The following DOLPP1 variants were observed in gnomAD, a reference collection of about 807,000 sequenced individuals.
DOLPP1 encodes the protein dolichyldiphosphatase 1.
DOLPP1 carries 15 observed loss-of-function variants against 34.1 expected under a neutral mutation model. The ratio of observed to expected loss-of-function variants is 0.44; its 90% CI spans 0.29 to 0.68. DOLPP1 has a LOEUF of 0.68. Among genes scored for constraint, DOLPP1 ranks in the 30% least tolerant of loss-of-function variants. DOLPP1 has a pLI of 0.12. For synonymous variants in DOLPP1, 130 were observed against 128.2 expected (o/e 1.01, Z -0.10); for missense variants, 249 against 307.1 (o/e 0.81, Z 1.41).
chr9:129,086,625 C>T lies in DOLPP1; in HGVS notation c.591-84C>T. On this transcript the variant is annotated intron_variant, in intron 6 of 7. Transcript: ENST00000372546. ...GCAGTCGGGGCGGGTGCCGTGCCAGCCCCGGGCAATGGTGGGGATGGCTGG... is the reference window on the plus strand; with the variant it reads ...GCAGTCGGGGCGGGTGCCGTGCCAGTCCCGGGCAATGGTGGGGATGGCTGG... 4 of 1,419,418 alleles carry T rather than the reference C, an allele frequency of 2.8e-6. No homozygotes were observed. The South Asian group carries it at 4.6e-5, about 16-fold the overall frequency. 87.9% of individuals were successfully genotyped at this position (1,419,418 alleles called of 1,614,324 possible).
intron 7 of DOLPP1, among the ~76,000 whole-genome samples, 165 bp from the exon 8 acceptor site, chr9:129,088,806 G>C (rs952224617): frequency 2.6e-4 from 39 of 152,178 alleles, no homozygotes; most frequent in African/African-American, 7.2e-4. Flanking sequence ...CCCTGTCTAG[G>C]TGCCATTCCC....
Position 129,085,491 on chromosome 9 carries a change from G to A in DOLPP1, c.363-27G>A, listed in dbSNP as rs200420096. ...AGGCCTGGGCTGGGCTGTGGGCTGA[G>A]GTCATCTGGTGGGCCTGTTTTCGCA... On this transcript the variant is annotated intron_variant, in intron 4 of 7. Coordinates refer to ENST00000372546, the MANE Select transcript of DOLPP1 (RefSeq NM_020438.5). This position sits in a 1 kb window ranked among gnomAD's most constrained non-coding sequence, Gnocchi z 7.0. 49 of 1,609,408 alleles carry A rather than the reference G, an allele frequency of 3.0e-5. No individual in the cohort carries two copies. The highest frequency in any genetic ancestry group is 1.7e-4 in the Middle Eastern group (1 of 6,046).
chr9:129,085,330 T>C lies in DOLPP1; in HGVS notation c.362+24T>C. 6.2e-7 allele frequency: 1 copy of C among 1,607,000 alleles called. No homozygotes were observed. Among genetic ancestry groups the C allele is most frequent in the Non-Finnish European group, 8.5e-7 (1 of 1,173,706 alleles). Reference sequence around the variant, plus strand: ...AGGTGAGTTTCCACCCCGGTCAGGATGGCCCTGAACTTGCTCAGGCCGAGT... The same window carrying C: ...AGGTGAGTTTCCACCCCGGTCAGGACGGCCCTGAACTTGCTCAGGCCGAGT... On this transcript the variant is annotated intron_variant, in intron 4 of 7. Coordinates refer to ENST00000372546, the MANE Select transcript of DOLPP1 (RefSeq NM_020438.5). The surrounding 1 kb of genome is among the most constrained non-coding windows in gnomAD (Gnocchi z 7.0).
intron 1 of DOLPP1, among the ~76,000 whole-genome samples, chr9:129,082,483 G>A (rs1846908809): frequency 6.6e-6 from 1 of 152,206 alleles, no homozygotes; most frequent in Non-Finnish European, 1.5e-5. Context: ...TGCTTTATAA[G>A]AGGAAAGCCA....
chr9:129,084,720 C>A lies in DOLPP1; in HGVS notation c.129C>A (p.Val43=), dbSNP rs1411351534. The A allele has an allele frequency of 5.0e-6, 8 of 1,613,966 alleles. No homozygotes were observed. Among genetic ancestry groups the A allele is most frequent in the Non-Finnish European group, 6.8e-6 (8 of 1,179,936 alleles). Residue 43 remains valine (V), a synonymous_variant, in exon 2 of 8, where the codon GTC becomes GTA. Coordinates refer to ENST00000372546, the MANE Select transcript of DOLPP1 (RefSeq NM_020438.5). ...LAYLSLSPVF[V]IVGFVTLIIF... is the part of the protein sequence containing the mutation. ...ACCTGAGCCTCAGCCCTGTATTTGT[C>A]ATCGTCGGTTTCGTGACCCTCATCA...
Position 129,085,418 on chromosome 9 carries a change from G to T in DOLPP1, c.363-100G>T. The T allele has an allele frequency of 6.6e-7, 1 of 1,513,888 alleles. No homozygotes were observed. The allele number at this position is 1,513,888 out of a possible 1,614,324, so 93.8% of individuals were successfully genotyped here. On this transcript the variant is annotated intron_variant, in intron 4 of 7. Coordinates refer to ENST00000372546, the MANE Select transcript of DOLPP1 (RefSeq NM_020438.5). The surrounding 1 kb of genome is among the most constrained non-coding windows in gnomAD (Gnocchi z 7.0). ...TGGGGTGGGAGGGGCTGCAGCGGAG[G>T]CAGAAGGTACCCAGGGAGCATTTGG...
intron 1 of DOLPP1, among the ~76,000 whole-genome samples, chr9:129,082,623 C>T (rs1466619322): frequency 6.6e-6 from 1 of 152,202 alleles, no homozygotes; most frequent in Admixed American, 6.5e-5. Flanking sequence ...CAGTTGTGTG[C>T]AGCATGATAC....
intron 1 of DOLPP1, 130 bp downstream of exon 1, chr9:129,081,337 C>G: frequency 1.7e-6 from 2 of 1,153,382 alleles, no homozygotes; most frequent in Non-Finnish European, 2.3e-6. Flanking sequence ...TAGTGAACCA[C>G]GGAGGGGCTC....
chr9:129,088,704 C>T (rs1007527115), intron 7 of DOLPP1, among the ~76,000 whole-genome samples: 99 of 152,212 alleles, frequency 6.5e-4, no homozygotes, highest in African/African-American at 1.9e-3. Flanking sequence ...GTAGTCTCAT[C>T]CTGGTCCCTA....
rs547472231 is a variant in DOLPP1 at position 129,082,351 on chromosome 9, A to G, written c.76+1144A>G. ...CTGCCTGTCTACCATTCATTCATCCATTCATTCATTCAGTCAATATCCACT... is the reference window on the plus strand; with the variant it reads ...CTGCCTGTCTACCATTCATTCATCCGTTCATTCATTCAGTCAATATCCACT... On this transcript the variant is annotated intron_variant, in intron 1 of 7. Coordinates refer to ENST00000372546, the MANE Select transcript of DOLPP1 (RefSeq NM_020438.5). 1.9e-3 allele frequency among the ~76,000 whole-genome samples: 285 copies of G among 152,266 alleles called. 1 individual carries two copies. The highest frequency in any genetic ancestry group is 6.5e-3 in the African/African-American group (272 of 41,548).
At chr9:129,082,738 C>T (rs930807955) in intron 1 of DOLPP1, among the ~76,000 whole-genome samples, 1 of 152,204 alleles carries the variant, frequency 6.6e-6, no homozygotes, top group African/African-American at 2.4e-5. Flanking sequence ...CTCTTCACAC[C>T]GTCACTTGCT....
chr9:129,081,833 A>G (rs1157516242), intron 1 of DOLPP1, among the ~76,000 whole-genome samples: 1 of 152,200 alleles, frequency 6.6e-6, no homozygotes, highest in Non-Finnish European at 1.5e-5. Context: ...TGAGAGGTCC[A>G]TTAGCGGCGT....
At chr9:129,082,434 C>A (rs2131413667) in intron 1 of DOLPP1, among the ~76,000 whole-genome samples, 1 of 152,284 alleles carries the variant, frequency 6.6e-6, no homozygotes, top group South Asian at 2.1e-4. Flanking sequence ...GCTTAACAGG[C>A]CTGAAATATC....
At position 129,089,734 on chromosome 9, in the gene DOLPP1, T is replaced by G. The variant is rs183663810; in HGVS notation, c.*727T>G. 6.5e-6 allele frequency: 1 copy of G among 152,848 alleles called. No homozygotes were observed. The highest frequency in any genetic ancestry group is 2.4e-5 in the African/African-American group (1 of 41,598). 9.5% of individuals were successfully genotyped at this position (152,848 alleles called of 1,614,324 possible). A position where few individuals can be genotyped will look rare whatever the true frequency, so the allele number is the denominator to read the frequency against. On this transcript the variant is annotated 3_prime_UTR_variant, in exon 8 of 8. Transcript: ENST00000372546. The surrounding 1 kb of genome is among the most constrained non-coding windows in gnomAD (Gnocchi z 4.9). ...CCCTGTCCCTAAGACAATAATCGCT[T>G]TCTGACAAAGGAGCCTGCACATTTG...
chr9:129,081,223 G>A lies in DOLPP1; in HGVS notation c.76+16G>A. On this transcript the variant is annotated intron_variant, in intron 1 of 7. Transcript: ENST00000372546. ...TATCCTGCAGGTAAAAGGCGGTCCC[G>A]GCTCCAAGGACGCCTTCCCAGGGAC... 1 of 1,606,778 alleles carries A rather than the reference G, an allele frequency of 6.2e-7. No individual in the cohort carries two copies. Among genetic ancestry groups the A allele is most frequent in the East Asian group, 2.3e-5 (1 of 44,410 alleles).
At chr9:129,084,350 C>G (rs1395595391) in intron 1 of DOLPP1, among the ~76,000 whole-genome samples, 1 of 152,264 alleles carries the variant, frequency 6.6e-6, no homozygotes, top group East Asian at 1.9e-4. Context: ...GGTCCCACCT[C>G]CTTCTGGCTG....
In DOLPP1 at chr9:129,089,240, C is replaced by T. The variant is rs778353112; in HGVS notation, c.*233C>T. ...CCTGGGGGCCGTGGCCAGAGACCCT[C>T]GCTGTGCTGCTGCCAGCCCCTGGCT... On this transcript the variant is annotated 3_prime_UTR_variant, in exon 8 of 8. Transcript: ENST00000372546. The surrounding 1 kb of genome is among the most constrained non-coding windows in gnomAD (Gnocchi z 4.9). The T allele has an allele frequency of 4.7e-5, 22 of 472,842 alleles. No individual in the cohort carries two copies. The highest frequency in any genetic ancestry group is 7.8e-5 in the African/African-American group (4 of 51,390). The allele number at this position is 472,842 out of a possible 1,614,324, so 29.3% of individuals were successfully genotyped here.
At chr9:129,081,278 C>G (rs997607782) in intron 1 of DOLPP1, 71 bp downstream of exon 1, 50 of 1,572,912 alleles carry the variant, frequency 3.2e-5, no homozygotes, top group Non-Finnish European at 4.0e-5. Flanking sequence ...CTCCGGCCTG[C>G]TCGAGCCCGC....
intron 1 of DOLPP1, among the ~76,000 whole-genome samples, chr9:129,081,460 C>T (rs1050601019): frequency 4.6e-5 from 7 of 152,088 alleles, no homozygotes; most frequent in Non-Finnish European, 1.0e-4. Flanking sequence ...CCCCGGGTCC[C>T]GGGGCGCCGG....
Sources: allele counts gnomAD v4.1 joint callset (sites outside exome capture counted in the v4.1 genomes callset), GRCh38; gene constraint gnomAD v4.1.1; non-coding constraint Gnocchi (gnomAD v3.1); transcripts MANE v1.5; gene names NCBI Gene and HGNC (gene_info 2026-07-23, HGNC 2026-07-21).